Variants in PDXDC1 observed in about 807,000 individuals in gnomAD.
The protein encoded by PDXDC1 is pyridoxal-dependent decarboxylase domain-containing protein 1.
A neutral mutation model predicts 100.1 loss-of-function variants in PDXDC1; 42 were observed. The observed-to-expected ratio is 0.42, with a 90% CI of 0.33 to 0.54. The LOEUF is 0.54. Ranked by LOEUF, PDXDC1 falls within the 20% of genes least tolerant of loss-of-function variation. The pLI is 0.10. For missense variants in PDXDC1, 636 were observed against 979.2 expected (o/e 0.65, Z 4.68); for synonymous variants, 260 against 371.7 (o/e 0.70, Z 3.46).
intron 16 of PDXDC1, among the ~76,000 whole-genome samples, chr16:15,117,298 T>G (rs1423364955): frequency 1.0e-5 from 1 of 97,410 alleles, no homozygotes; most frequent in African/African-American, 4.2e-5. Context: ...TAAAATAATG[T>G]AGATCTTGAA....
chr16:15,137,651 G>C, intron 16 of PDXDC1: 5 of 1,289,764 alleles, frequency 3.9e-6, no homozygotes, highest in Non-Finnish European at 5.4e-6. Flanking sequence ...TTGGCCCGGA[G>C]CCCCCCCCCA....
intron 16 of PDXDC1, chr16:15,133,424 C>G: frequency 1.9e-6 from 2 of 1,036,170 alleles, no homozygotes; most frequent in Non-Finnish European, 2.9e-6. Context: ...GGCCAGAGAC[C>G]TACGAGCAGA....
chr16:15,030,636 T>C (rs2042995338), intron 16 of PDXDC1, among the ~76,000 whole-genome samples: 1 of 146,250 alleles, frequency 6.8e-6, no homozygotes, highest in South Asian at 2.2e-4. Flanking sequence ...CAGGCTGGAG[T>C]GCAGTGGTGC....
chr16:15,071,469 C>A (rs1356125467), intron 16 of PDXDC1, among the ~76,000 whole-genome samples: 1 of 152,162 alleles, frequency 6.6e-6, no homozygotes, highest in Non-Finnish European at 1.5e-5. Flanking sequence ...CCTAGCTAAG[C>A]ATCACAATCA....
chr16:15,122,836 G>A (rs1209754877), intron 16 of PDXDC1, among the ~76,000 whole-genome samples: 2 of 121,858 alleles, frequency 1.6e-5, no homozygotes, highest in Non-Finnish European at 3.5e-5. Flanking sequence ...GGAGGGGAAG[G>A]GGAGGGGAAG....
At chr16:15,092,409 A>G in intron 16 of PDXDC1, 2 of 738,400 alleles carry the variant, frequency 2.7e-6, no homozygotes, top group Non-Finnish European at 4.9e-6. Context: ...TTCAACTGGT[A>G]TCTTAATTAA....
At chr16:14,984,856 G>A (rs537805315) in intron 1 of PDXDC1, among the ~76,000 whole-genome samples, 796 of 152,024 alleles carry the variant, frequency 5.2e-3, no homozygotes, top group African/African-American at 0.018. Flanking sequence ...GTGTTGATTC[G>A]TGTGTTTTCA....
At chr16:15,144,778 G>A in the PDXDC1 span, among the ~76,000 whole-genome samples, 849 of 152,292 alleles carry the variant, frequency 5.6e-3, 5 homozygotes, top group African/African-American at 0.02. Context: ...AGGGGAGTCT[G>A]CGATGTCCTT....
At position 15,133,522 on chromosome 16, in the gene PDXDC1, G is replaced by A. The variant is rs1210255913; in HGVS notation, c.1400-5357G>A. The A allele has an allele frequency of 2.7e-4, 250 of 930,824 alleles. 1 individual carries two copies. The highest frequency in any genetic ancestry group is 3.8e-4 in the Non-Finnish European group (227 of 592,768). The allele number at this position is 930,824 out of a possible 1,614,324, so 57.7% of individuals were successfully genotyped here. A position where few individuals can be genotyped will look rare whatever the true frequency, so the allele number is the denominator to read the frequency against. On this transcript the variant is annotated intron_variant, in intron 16 of 16. Transcript: ENST00000535621. Reference sequence around the variant, plus strand: ...GGGCGACCACAGCGGCTCCCAGCTGGTCCTGCACCACCACGGCCAGGCCCA... The same window carrying A: ...GGGCGACCACAGCGGCTCCCAGCTGATCCTGCACCACCACGGCCAGGCCCA...
chr16:15,000,311 TA>T (rs1390679712), intron 3 of PDXDC1, among the ~76,000 whole-genome samples: 1 of 152,282 alleles, frequency 6.6e-6, no homozygotes, highest in Admixed American at 6.5e-5. Flanking sequence ...CTAAGTGCCA[TA>T]CCTTCACTGT....
At chr16:15,102,206 G>A (rs1002630508) in intron 16 of PDXDC1, among the ~76,000 whole-genome samples, 10 of 151,014 alleles carry the variant, frequency 6.6e-5, no homozygotes, top group African/African-American at 2.2e-4. Context: ...TGCCCAGGCT[G>A]GTCTCGACCC....
chr16:14,990,889 C>G (rs994153247), intron 1 of PDXDC1, among the ~76,000 whole-genome samples: 4 of 152,264 alleles, frequency 2.6e-5, no homozygotes, highest in African/African-American at 7.2e-5. Context: ...TACAGGCATA[C>G]GTGACCATGC....
chr16:15,085,738 T>C (rs747903043), intron 16 of PDXDC1: 5 of 1,610,458 alleles, frequency 3.1e-6, no homozygotes, highest in South Asian at 2.2e-5. Context: ...CTGTCATTGA[T>C]CTAGACAATG....
At chr16:15,131,566 A>G in intron 16 of PDXDC1, 1 of 1,609,094 alleles carries the variant, frequency 6.2e-7, no homozygotes, top group Non-Finnish European at 8.5e-7. Flanking sequence ...CTCGTTGAGC[A>G]CGCGGGAGCG....
At chr16:15,041,563 CTG>C (rs1351688222), downstream of PDXDC1, 14 of 1,191,202 alleles carry the variant, frequency 1.2e-5, no homozygotes, top group Non-Finnish European at 1.8e-5. Context: ...CACTGCAAGA[CTG>C]GGGACAAAAC....
chr16:15,034,112 T>G, intron 19 of PDXDC1, 174 bp from the exon 20 acceptor site: 4 of 614,766 alleles, frequency 6.5e-6, no homozygotes, highest in Non-Finnish European at 1.2e-5. Flanking sequence ...TGCCTAGGCC[T>G]CTATGAGCAT....
downstream of PDXDC1, chr16:15,041,609 A>T (rs1239304062): frequency 1.9e-6 from 3 of 1,600,096 alleles, no homozygotes; most frequent in Non-Finnish European, 2.6e-6. Context: ...TTTGGGGCAA[A>T]TGGCAGGACT....
At chr16:15,104,450 G>A in intron 16 of PDXDC1, 2 of 1,237,092 alleles carry the variant, frequency 1.6e-6, no homozygotes, top group Non-Finnish European at 2.1e-6. Context: ...AGCTGAGGGT[G>A]GAAGGGGAGT....
intron 16 of PDXDC1, chr16:15,092,503 C>T (rs1179512809): frequency 3.1e-6 from 5 of 1,593,542 alleles, no homozygotes; most frequent in East Asian, 2.2e-5. Context: ...CATTATCTCC[C>T]CTTACCTTTT....
Sources: gnomAD v4.1 joint callset for allele counts (sites outside exome capture counted in the v4.1 genomes callset) on GRCh38, gnomAD v4.1.1 for gene constraint, MANE v1.5 for transcripts, NCBI Gene and HGNC (gene_info 2026-07-23, HGNC 2026-07-21) for gene names.